The following KCNH1 variants were observed in gnomAD, a reference collection of about 807,000 sequenced individuals.
The protein encoded by KCNH1 is voltage-gated delayed rectifier potassium channel KCNH1.
In KCNH1, 27 loss-of-function variants were observed where a neutral mutation model predicts 69.2. The ratio of observed to expected loss-of-function variants is 0.39; its 90% CI spans 0.29 to 0.54. The LOEUF (loss-of-function observed/expected upper bound fraction) is 0.54. Ranked by LOEUF, KCNH1 falls within the 20% of genes least tolerant of loss-of-function variation. The probability of loss-of-function intolerance (pLI) is 0.68; values close to 1 mark genes in which losing one functional copy is unlikely to be tolerated. For synonymous variants in KCNH1, 456 were observed against 487.7 expected (o/e 0.93, Z 0.86); for missense variants, 798 against 1,261.6 (o/e 0.63, Z 5.57).
rs141073891 is a variant in KCNH1 at position 210,745,346 on chromosome 1, C to A, written c.2112+30002G>T. Among the ~76,000 whole-genome samples the A allele has an allele frequency of 2.4e-4, 37 of 152,190 alleles. No individual in the cohort carries two copies. In the East Asian group the frequency reaches 6.7e-3, roughly 28 times the overall value. ...AAATGGTTTATGGGTGCCTTCCATC[C>A]CCTGGATTTTTCTAGGGTAGCCAGG... is the stretch of plus-strand genomic sequence containing the variant. On this transcript the variant is annotated intron_variant, in intron 10 of 10. Transcript: ENST00000271751.
chr1:210,683,236 AG>A lies in KCNH1; in HGVS notation c.*44del. ...ATGTGGTAGGGGTGGTGGTGACGGCAGGGTTGGAGGTATCTGTCTCTGACTT... is the reference window on the plus strand; with the variant it reads ...ATGTGGTAGGGGTGGTGGTGACGGCAGGTTGGAGGTATCTGTCTCTGACTT... On this transcript the variant is annotated 3_prime_UTR_variant, in exon 11 of 11. Transcript: ENST00000271751. The surrounding 1 kb of genome is among the most constrained non-coding windows in gnomAD (Gnocchi z 5.7). 6.4e-7 allele frequency: 1 copy of A among 1,567,460 alleles called. No individual in the cohort carries two copies. Among genetic ancestry groups the A allele is most frequent in the Admixed American group, 1.8e-5 (1 of 56,072 alleles).
chr1:210,990,592 A>C (rs992660896), intron 6 of KCNH1, among the ~76,000 whole-genome samples: 1 of 152,074 alleles, frequency 6.6e-6, no homozygotes, highest in Non-Finnish European at 1.5e-5. Context: ...CTGGTTTCTA[A>C]ACCTAGCTGC....
chr1:210,980,712 G>A (rs1194664732), intron 6 of KCNH1, among the ~76,000 whole-genome samples: 1 of 152,172 alleles, frequency 6.6e-6, no homozygotes, highest in Non-Finnish European at 1.5e-5. Context: ...ATTAGGGAGA[G>A]AGAGTCCATC....
At chr1:211,044,314 C>T (rs923755033) in intron 5 of KCNH1, among the ~76,000 whole-genome samples, 2 of 151,998 alleles carry the variant, frequency 1.3e-5, no homozygotes, top group African/African-American at 4.8e-5. Context: ...AGTGGAGAAC[C>T]AAATCAAGAA....
intron 6 of KCNH1, among the ~76,000 whole-genome samples, chr1:210,965,789 T>C (rs116560407): frequency 0.041 from 6,197 of 152,238 alleles, 188 homozygotes; most frequent in South Asian, 0.065. Flanking sequence ...ATCAGTATCA[T>C]GATAATGACC....
chr1:211,079,359 T>C (rs1258206012), intron 5 of KCNH1, among the ~76,000 whole-genome samples: 1 of 152,148 alleles, frequency 6.6e-6, no homozygotes, highest in Non-Finnish European at 1.5e-5. Context: ...CACGACCAGA[T>C]GGATTCACAG....
chr1:211,109,933 A>G (rs182385173), intron 1 of KCNH1, among the ~76,000 whole-genome samples: 1 of 152,184 alleles, frequency 6.6e-6, no homozygotes, highest in East Asian at 1.9e-4. Flanking sequence ...CTTATAAATT[A>G]AAATGAATAG....
chr1:211,018,726 CACAT>C, intron 6 of KCNH1, 53 bp downstream of exon 6: 2 of 1,349,722 alleles, frequency 1.5e-6, no homozygotes, highest in Non-Finnish European at 2.1e-6. Context: ...GTTGACCACC[CACAT>C]TTAACTCAGT....
chr1:210,861,546 G>T, intron 7 of KCNH1: 1 of 772,522 alleles, frequency 1.3e-6, no homozygotes. Flanking sequence ...TCAATTCGAA[G>T]TGTTTCAGTC....
intron 1 of KCNH1, among the ~76,000 whole-genome samples, chr1:211,112,291 C>T (rs1440063359): frequency 7.4e-6 from 1 of 134,992 alleles, no homozygotes; most frequent in African/African-American, 2.8e-5. Flanking sequence ...ACCGCCCACC[C>T]CCCTCCACCC....
intron 1 of KCNH1, among the ~76,000 whole-genome samples, chr1:211,113,953 G>GTCTC (rs57115003): frequency 5.3e-4 from 71 of 132,956 alleles, no homozygotes; most frequent in African/African-American, 7.3e-4. Context: ...CTCTCTCTCT[G>GTCTC]TCTCTCTCTC....
chr1:211,093,090 C>T (rs1691085232), intron 3 of KCNH1, among the ~76,000 whole-genome samples: 1 of 152,166 alleles, frequency 6.6e-6, no homozygotes, highest in African/African-American at 2.4e-5. Context: ...ACCCTCCCCT[C>T]CCAGCTGCAG....
chr1:210,719,942 T>C (rs971191629), intron 10 of KCNH1, among the ~76,000 whole-genome samples: 5 of 152,174 alleles, frequency 3.3e-5, no homozygotes, highest in Admixed American at 3.3e-4. Context: ...CCCTCCCTTT[T>C]CTAGCGCTAT....
chr1:210,816,376 G>A (rs958615629), intron 7 of KCNH1, among the ~76,000 whole-genome samples: 13 of 152,076 alleles, frequency 8.5e-5, no homozygotes, highest in Non-Finnish European at 1.5e-4. Context: ...CCTGCTCCAC[G>A]GTAACCCATT....
At chr1:211,090,445 G>T (rs1691032460) in intron 4 of KCNH1, 117 bp downstream of exon 4, 1 of 867,416 alleles carries the variant, frequency 1.2e-6, no homozygotes, top group Non-Finnish European at 1.7e-6. Context: ...ACAAATTAAA[G>T]TTAGAATCTT....
intron 5 of KCNH1, among the ~76,000 whole-genome samples, chr1:211,076,661 T>G (rs1050642501): frequency 6.6e-6 from 1 of 152,078 alleles, no homozygotes; most frequent in Non-Finnish European, 1.5e-5. Flanking sequence ...AGAAACCAGA[T>G]CAGGAAAGCT....
In KCNH1 at chr1:210,770,365, A is replaced by G. The variant is rs150217668; in HGVS notation, c.2112+4983T>C. 8.9e-4 allele frequency among the ~76,000 whole-genome samples: 136 copies of G among 152,346 alleles called. 2 individuals are homozygous for G. The East Asian group carries it at 0.025, about 28-fold the overall frequency. On this transcript the variant is annotated intron_variant, in intron 10 of 10. Transcript: ENST00000271751. ...TCTGCACATGTATCCCAGAACTTAA[A>G]ATAAATAAACAAAATGCCAAAAACC...
chr1:211,114,580 G>A (rs938925915), intron 1 of KCNH1, among the ~76,000 whole-genome samples: 12 of 152,168 alleles, frequency 7.9e-5, no homozygotes, highest in Admixed American at 3.3e-4. Flanking sequence ...ATTCCAGTAC[G>A]AGGACACTAT....
intron 2 of KCNH1, among the ~76,000 whole-genome samples, chr1:211,106,469 C>G (rs1023611866): frequency 5.3e-5 from 8 of 151,256 alleles, no homozygotes; most frequent in Non-Finnish European, 1.2e-4. Flanking sequence ...TATTGGTTCT[C>G]TCATCTTTTT....
Sources: gnomAD v4.1 joint callset for allele counts (sites outside exome capture counted in the v4.1 genomes callset) on GRCh38, gnomAD v4.1.1 for gene constraint, Gnocchi (gnomAD v3.1) non-coding constraint, MANE v1.5 for transcripts, NCBI Gene and HGNC (gene_info 2026-07-23, HGNC 2026-07-21) for gene names.